LRRN3: variants seen among roughly 807,000 people sequenced by gnomAD.
The protein encoded by LRRN3 is leucine-rich repeat neuronal protein 3.
LRRN3 carries 15 observed loss-of-function variants against 40.1 expected under a neutral mutation model. That is an observed-to-expected ratio of 0.37 (90% CI 0.25 to 0.58). The LOEUF is 0.58. Ranked by LOEUF, LRRN3 falls within the 20% of genes least tolerant of loss-of-function variation. LRRN3 has a pLI of 0.72. For synonymous variants in LRRN3, 308 were observed against 297.2 expected, an observed-to-expected ratio of 1.04 and a Z score of -0.37; for missense variants, 746 against 837.7, an observed-to-expected ratio of 0.89 and a Z score of 1.35.
Position 111,123,107 on chromosome 7 carries a change from T to G in LRRN3, c.335T>G (p.Val112Gly), listed in dbSNP as rs1401586606. ...TTATCTTCAGTCACCAATATTAATGTAAAAAAGATGCCTCAGCTCCTTTCT... is the reference window on the plus strand; with the variant it reads ...TTATCTTCAGTCACCAATATTAATGGAAAAAAGATGCCTCAGCTCCTTTCT... ...NNLSSVTNIN[V>G]KKMPQLLSVY... Residue 112 changes from valine to glycine, a missense_variant, in exon 3 of 3, where the codon GTA becomes GGA. Transcript: ENST00000308478. This position sits in a 1 kb window ranked among gnomAD's most constrained non-coding sequence, Gnocchi z 6.4. 6.2e-7 allele frequency: 1 copy of G among 1,613,642 alleles called. No homozygotes were observed. Among genetic ancestry groups the G allele is most frequent in the Non-Finnish European group, 8.5e-7 (1 of 1,179,804 alleles).
chr7:111,114,750 A>G (rs1228058265), intron 2 of LRRN3, among the ~76,000 whole-genome samples: 6 of 151,906 alleles, frequency 3.9e-5, no homozygotes, highest in South Asian at 4.2e-4. Flanking sequence ...AAAAAAAAAA[A>G]AAAGAAAGAA....
chr7:111,118,190 T>C (rs1270712678), intron 2 of LRRN3, among the ~76,000 whole-genome samples: 1 of 152,082 alleles, frequency 6.6e-6, no homozygotes, highest in African/African-American at 2.4e-5. Context: ...AACTGAAAAC[T>C]TGGTGAGCAG....
chr7:111,096,738 C>A (rs1797443544), intron 1 of LRRN3, among the ~76,000 whole-genome samples: 1 of 151,734 alleles, frequency 6.6e-6, no homozygotes. Context: ...ACTTAAGAAC[C>A]CCCAATGGAT....
At position 111,122,772 on chromosome 7, in the gene LRRN3, G is replaced by A. The variant is rs756827535; in HGVS notation, c.-1G>A. On this transcript the variant is annotated 5_prime_UTR_variant, in exon 3 of 3. Transcript: ENST00000308478. ...TTACATTTCTGAAGAAGAAAGCTAA[G>A]ATGAAGGACATGCCACTCCGAATTC... The A allele has an allele frequency of 2.5e-6, 4 of 1,609,186 alleles. No individual in the cohort carries two copies. The East Asian group carries it at 6.7e-5, about 27-fold the overall frequency.
chr7:111,112,900 AT>A (rs1261860401), intron 2 of LRRN3, among the ~76,000 whole-genome samples: 1 of 152,158 alleles, frequency 6.6e-6, no homozygotes, highest in Non-Finnish European at 1.5e-5. Flanking sequence ...TGTTTATTGC[AT>A]TTGAAAAAAT....
At chr7:111,095,623 C>T (rs1171938935) in intron 1 of LRRN3, among the ~76,000 whole-genome samples, 1 of 151,890 alleles carries the variant, frequency 6.6e-6, no homozygotes, top group Non-Finnish European at 1.5e-5. Context: ...GAGTTTTGCC[C>T]TGTTTTTAAA....
rs2129590087 is a variant in LRRN3, at chr7:111,124,554, T to C, written c.1782T>C (p.Asp594=). 1 of 1,613,690 alleles carries C rather than the reference T, an allele frequency of 6.2e-7. No individual in the cohort carries two copies. Among genetic ancestry groups the C allele is most frequent in the African/African-American group, 1.3e-5 (1 of 75,044 alleles). The change falls in exon 3 of 3, where the codon GAT becomes GAC. Residue 594 remains aspartate (D), a synonymous_variant. Transcript: ENST00000308478. ...NPSTEYKICI[D]IPTIYQKNRK... The stretch of plus-strand genomic sequence containing the variant: ...CAACTGAGTATAAAATTTGTATTGA[T>C]ATTCCCACCATCTATCAGAAAAACA...
intron 2 of LRRN3, among the ~76,000 whole-genome samples, chr7:111,111,400 C>T (rs1799180897): frequency 6.8e-6 from 1 of 146,912 alleles, no homozygotes; most frequent in South Asian, 2.1e-4. Context: ...CACTGCTTTC[C>T]ATCCCCCCCC....
chr7:111,121,723 T>C (rs1800646376), intron 2 of LRRN3, among the ~76,000 whole-genome samples: 1 of 152,152 alleles, frequency 6.6e-6, no homozygotes, highest in Non-Finnish European at 1.5e-5. Context: ...AGCCAACCCA[T>C]TACTGGGTAT....
chr7:111,113,167 A>G (rs1799443873), intron 2 of LRRN3, among the ~76,000 whole-genome samples: 1 of 152,172 alleles, frequency 6.6e-6, no homozygotes, highest in Non-Finnish European at 1.5e-5. Context: ...AATGTTCTTC[A>G]TTCTCTATCT....
At position 111,123,737 on chromosome 7, in the gene LRRN3, T is replaced by G. The variant is rs779597159; in HGVS notation, c.965T>G (p.Leu322Trp). 6.2e-7 allele frequency: 1 copy of G among 1,613,978 alleles called. No homozygotes were observed. Among genetic ancestry groups the G allele is most frequent in the Admixed American group, 1.7e-5 (1 of 59,956 alleles). The change falls in exon 3 of 3, where the codon TTG becomes TGG. Residue 322 changes from leucine (L) to tryptophan (W), a missense_variant. By Grantham distance (61) the Leu-to-Trp change is moderately conservative. Coordinates refer to ENST00000308478, the MANE Select transcript of LRRN3 (RefSeq NM_001099658.2). This position sits in a 1 kb window ranked among gnomAD's most constrained non-coding sequence, Gnocchi z 6.4. ...ATAGAAGCTACTAACAACCCTAGAT[T>G]GTCTTACATTCACCCCAATGCATTT... ...RKIEATNNPR[L>W]SYIHPNAFFR...
rs1490751598 is a variant in LRRN3 at position 111,124,948 on chromosome 7, GA to G, written c.*52del. ...AAAAATGAACAAAAAAAAAAAAAGC[GA>G]AAGACTGCAGTTGTGCTAAAAACAA... On this transcript the variant is annotated 3_prime_UTR_variant, in exon 3 of 3. Coordinates refer to ENST00000308478, the MANE Select transcript of LRRN3 (RefSeq NM_001099658.2). 8.5e-7 allele frequency: 1 copy of G among 1,171,954 alleles called. No homozygotes were observed. Among genetic ancestry groups the G allele is most frequent in the Non-Finnish European group, 1.2e-6 (1 of 840,560 alleles). The allele number at this position is 1,171,954 out of a possible 1,614,324, so 72.6% of individuals were successfully genotyped here.
intron 2 of LRRN3, among the ~76,000 whole-genome samples, chr7:111,111,345 A>G (rs1029087918): frequency 2.4e-4 from 36 of 151,018 alleles, no homozygotes; most frequent in Non-Finnish European, 4.1e-4. Flanking sequence ...AAGGGCCTAC[A>G]TTGCCCATTA....
chr7:111,123,424 G>A lies in LRRN3; in HGVS notation c.652G>A (p.Val218Ile), dbSNP rs1004357844. Residue 218 changes from valine (V) to isoleucine (I), a missense_variant, in exon 3 of 3, where the codon GTT (valine) becomes ATT (isoleucine). Coordinates refer to ENST00000308478, the MANE Select transcript of LRRN3 (RefSeq NM_001099658.2). This position sits in a 1 kb window ranked among gnomAD's most constrained non-coding sequence, Gnocchi z 6.4. ...GCCTCTTATCAATCTTCGCAGCCTG[G>A]TTATAGCTGGTATAAACCTCACAGA... is the stretch of plus-strand genomic sequence containing the variant. ...FKPLINLRSLVIAGINLTEIP... is the reference protein window; with the variant it reads ...FKPLINLRSLIIAGINLTEIP... The A allele has an allele frequency of 1.9e-6, 3 of 1,613,456 alleles. No individual in the cohort carries two copies. Among genetic ancestry groups the A allele is most frequent in the South Asian group, 1.1e-5 (1 of 90,990 alleles).
chr7:111,104,901 G>T (rs1338670758), intron 2 of LRRN3, among the ~76,000 whole-genome samples: 1 of 151,694 alleles, frequency 6.6e-6, no homozygotes, highest in South Asian at 2.1e-4. Flanking sequence ...GAGAGAAGGG[G>T]ACAGTCTCTC....
chr7:111,120,397 A>G (rs1467585815), intron 2 of LRRN3, among the ~76,000 whole-genome samples: 1 of 152,062 alleles, frequency 6.6e-6, no homozygotes, highest in Non-Finnish European at 1.5e-5. Context: ...TTTCCCCTAT[A>G]AAAACATCAG....
chr7:111,117,721 T>C (rs1405571602), intron 2 of LRRN3, among the ~76,000 whole-genome samples: 1 of 152,008 alleles, frequency 6.6e-6, no homozygotes, highest in African/African-American at 2.4e-5. Flanking sequence ...AGTTAGATAG[T>C]GGGAGAATAG....
intron 2 of LRRN3, among the ~76,000 whole-genome samples, chr7:111,108,524 G>A (rs188050296): frequency 1.1e-4 from 16 of 151,830 alleles, no homozygotes; most frequent in Admixed American, 2.6e-4. Context: ...AAAGATATAC[G>A]AACAAAACAT....
At position 111,124,631 on chromosome 7, in the gene LRRN3, A is replaced by G. The variant is rs1482299240; in HGVS notation, c.1859A>G (p.Glu620Gly). 6.2e-7 allele frequency: 1 copy of G among 1,614,040 alleles called. No homozygotes were observed. Among genetic ancestry groups the G allele is most frequent in the African/African-American group, 1.3e-5 (1 of 75,046 alleles). ...TTKGLHPDQK[E>G]YEKNNTTTLM... ...AAAGGTTTGCACCCTGATCAAAAAG[A>G]GTATGAAAAGAATAATACCACAACA... Residue 620 changes from glutamate to glycine, a missense_variant, in exon 3 of 3, where the codon GAG becomes GGG. Glu to Gly is a moderately conservative substitution (Grantham distance 98, BLOSUM62 -2). Coordinates refer to ENST00000308478, the MANE Select transcript of LRRN3 (RefSeq NM_001099658.2).
Sources: gnomAD v4.1 joint callset for allele counts (sites outside exome capture counted in the v4.1 genomes callset) on GRCh38, gnomAD v4.1.1 for gene constraint, Gnocchi (gnomAD v3.1) non-coding constraint, MANE v1.5 for transcripts, NCBI Gene and HGNC (gene_info 2026-07-23, HGNC 2026-07-21) for gene names.